Variants in ROBO2 observed in about 807,000 individuals in gnomAD.
ROBO2 encodes roundabout homolog 2.
In ROBO2, 53 loss-of-function variants were observed where a neutral mutation model predicts 160.8. The ratio of observed to expected loss-of-function variants is 0.33; its 90% CI spans 0.26 to 0.41. The LOEUF (loss-of-function observed/expected upper bound fraction) is 0.41, where lower values mean the gene tolerates loss of function less well. Among genes scored for constraint, ROBO2 ranks in the 10% least tolerant of loss-of-function variants. ROBO2 has a pLI of 1.00. For missense variants in ROBO2, 1,577 were observed against 1,722.4 expected, an observed-to-expected ratio of 0.92 and a Z score of 1.49; for synonymous variants, 664 against 611.7, an observed-to-expected ratio of 1.09 and a Z score of -1.26.
At chr3:77,037,190 A>C (rs1211045543), upstream of ROBO2, among the ~76,000 whole-genome samples, 1 of 152,158 alleles carries the variant, frequency 6.6e-6, no homozygotes, top group African/African-American at 2.4e-5. Flanking sequence ...TTGGGATGAG[A>C]TTGTTATAAA....
At chr3:76,580,435 A>G (rs1365290216) in intron 2 of ROBO2, among the ~76,000 whole-genome samples, 1 of 141,532 alleles carries the variant, frequency 7.1e-6, no homozygotes, top group Admixed American at 7.6e-5. Context: ...CTTATGGCCT[A>G]CTACGTGATC....
intron 1 of ROBO2, among the ~76,000 whole-genome samples, chr3:77,088,693 G>A (rs1264002182): frequency 6.6e-6 from 1 of 152,124 alleles, no homozygotes; most frequent in Non-Finnish European, 1.5e-5. Flanking sequence ...AGAAATTTAG[G>A]AATAAATTTC....
intron 2 of ROBO2, among the ~76,000 whole-genome samples, chr3:76,303,357 G>A (rs1036932430): frequency 4.3e-4 from 66 of 152,088 alleles, no homozygotes; most frequent in Middle Eastern, 6.8e-3. Context: ...GTGTGTGTGT[G>A]TGTATATATA....
intron 2 of ROBO2, among the ~76,000 whole-genome samples, chr3:76,642,089 A>G (rs758956718): frequency 5.9e-5 from 9 of 152,132 alleles, no homozygotes; most frequent in East Asian, 1.9e-4. Context: ...CAATTTTTCT[A>G]TAAGTTTAAA....
At chr3:77,047,333 A>T (rs2064772447) in intron 1 of ROBO2, among the ~76,000 whole-genome samples, 1 of 152,188 alleles carries the variant, frequency 6.6e-6, no homozygotes, top group African/African-American at 2.4e-5. Context: ...TAAAATGGGC[A>T]TGGTAATAAT....
At chr3:76,665,287 A>G (rs1342117068) in intron 2 of ROBO2, among the ~76,000 whole-genome samples, 2 of 152,140 alleles carry the variant, frequency 1.3e-5, no homozygotes, top group African/African-American at 4.8e-5. Context: ...TGTTATTGAA[A>G]TCCTCAATAG....
At chr3:76,519,096 G>A (rs946964052) in intron 2 of ROBO2, among the ~76,000 whole-genome samples, 4 of 152,148 alleles carry the variant, frequency 2.6e-5, no homozygotes, top group Non-Finnish European at 5.9e-5. Flanking sequence ...AGAAAGTTGA[G>A]TAAGATTTCA....
At position 76,657,684 on chromosome 3, in the gene ROBO2, ATG is replaced by A. The variant is rs1230363568; in HGVS notation, c.110-440324_110-440323del. On this transcript the variant is annotated intron_variant, in intron 2 of 26. Coordinates refer to the ROBO2 transcript ENST00000487694. ...TATATATGTGTATATATATACATATATGTGTGTATATATATTCATATATGTGT... is the reference window on the plus strand; with the variant it reads ...TATATATGTGTATATATATACATATATGTGTATATATATTCATATATGTGT... 5.4e-4 allele frequency among the ~76,000 whole-genome samples: 64 copies of A among 117,820 alleles called. No homozygotes were observed. The South Asian group carries it at 5.7e-3, about 10-fold the overall frequency. The allele number at this position is 117,820 out of a possible 152,430, so 77.3% of individuals were successfully genotyped here. A position where few individuals can be genotyped will look rare whatever the true frequency, so the allele number is the denominator to read the frequency against.
chr3:77,535,117 A>T (rs1173989002), intron 6 of ROBO2, among the ~76,000 whole-genome samples: 1 of 152,228 alleles, frequency 6.6e-6, no homozygotes, highest in Non-Finnish European at 1.5e-5. Context: ...TTATTAAGAA[A>T]CATTGCAGTT....
intron 16 of ROBO2, among the ~76,000 whole-genome samples, chr3:77,584,457 T>C (rs1159261743): frequency 6.6e-6 from 1 of 152,220 alleles, no homozygotes; most frequent in Non-Finnish European, 1.5e-5. Context: ...GTGTTTGATA[T>C]AAGCCGTTCT....
chr3:76,841,163 C>T (rs2068222463), intron 2 of ROBO2, among the ~76,000 whole-genome samples: 1 of 152,150 alleles, frequency 6.6e-6, no homozygotes, highest in South Asian at 2.1e-4. Flanking sequence ...TAGCACTGTG[C>T]AAGCGCCATT....
At chr3:76,828,069 T>C (rs1004685713) in intron 2 of ROBO2, among the ~76,000 whole-genome samples, 2 of 152,146 alleles carry the variant, frequency 1.3e-5, no homozygotes, top group African/African-American at 4.8e-5. Context: ...GGAAATAAAA[T>C]AAAGTTATGT....
rs71104688 is a variant in ROBO2 at position 77,473,440 on chromosome 3, C to CTT, written c.389-3938_389-3937dup. 1.5e-3 allele frequency among the ~76,000 whole-genome samples: 113 copies of CTT among 77,924 alleles called. 21 individuals carry two copies. The highest frequency in any genetic ancestry group is 2.0e-3 in the Non-Finnish European group (79 of 39,888). 51.1% of individuals were successfully genotyped at this position (77,924 alleles called of 152,430 possible). A position where few individuals can be genotyped will look rare whatever the true frequency, so the allele number is the denominator to read the frequency against. On this transcript the variant is annotated intron_variant, in intron 2 of 25. Transcript: ENST00000461745. ...CTGCAGTTCGATTTTACAAACTGCT[C>CTT]TTTTTTTTTTTTTTTTTTTTTTTTT... is the stretch of plus-strand genomic sequence containing the variant.
intron 2 of ROBO2, among the ~76,000 whole-genome samples, chr3:76,602,499 T>C (rs141670907): frequency 6.6e-6 from 1 of 152,314 alleles, no homozygotes; most frequent in East Asian, 1.9e-4. Flanking sequence ...CTCACAATCA[T>C]GGTGGAAGGT....
chr3:76,591,485 T>C (rs1409269056), intron 2 of ROBO2, among the ~76,000 whole-genome samples: 1 of 152,172 alleles, frequency 6.6e-6, no homozygotes, highest in African/African-American at 2.4e-5. Context: ...GCTTGTTCTC[T>C]ATTTTTATAG....
At chr3:76,210,905 C>G (rs1233253499) in intron 2 of ROBO2, among the ~76,000 whole-genome samples, 1 of 152,034 alleles carries the variant, frequency 6.6e-6, no homozygotes, top group Non-Finnish European at 1.5e-5. Flanking sequence ...TTTTATAATA[C>G]TTTTGCTTGC....
intron 2 of ROBO2, among the ~76,000 whole-genome samples, chr3:76,793,181 T>C (rs1560571325): frequency 6.6e-6 from 1 of 151,796 alleles, no homozygotes; most frequent in East Asian, 1.9e-4. Flanking sequence ...TTTTTTAAAT[T>C]AAAAAAATTA....
At chr3:76,396,063 A>G (rs1346960905) in intron 2 of ROBO2, among the ~76,000 whole-genome samples, 2 of 152,202 alleles carry the variant, frequency 1.3e-5, no homozygotes, top group African/African-American at 4.8e-5. Flanking sequence ...CATTGATGCA[A>G]AAATCCTCAG....
chr3:76,508,058 A>T (rs1057493194), intron 2 of ROBO2, among the ~76,000 whole-genome samples: 21 of 152,176 alleles, frequency 1.4e-4, no homozygotes, highest in Admixed American at 8.5e-4. Flanking sequence ...ACATGTTTTT[A>T]TGTAGCATAA....
Sources: gnomAD v4.1 joint callset for allele counts (sites outside exome capture counted in the v4.1 genomes callset) on GRCh38, gnomAD v4.1.1 for gene constraint, MANE v1.5 for transcripts, NCBI Gene and HGNC (gene_info 2026-07-23, HGNC 2026-07-21) for gene names.